Variants in KDM4C observed in about 807,000 individuals in gnomAD.
KDM4C encodes lysine-specific demethylase 4C.
A neutral mutation model predicts 129.3 loss-of-function variants in KDM4C; 81 were observed. The observed-to-expected ratio is 0.63, with a 90% confidence interval of 0.52 to 0.75. The LOEUF (loss-of-function observed/expected upper bound fraction) is 0.75. KDM4C is among the 30% of genes least tolerant of loss of function. The pLI, the probability that KDM4C is intolerant of heterozygous loss-of-function variation, is 0.00. For missense variants in KDM4C, 1,457 were observed against 1,304.0 expected (o/e 1.12, Z -1.81); for synonymous variants, 573 against 456.1 (o/e 1.26, Z -3.26).
intron 1 of KDM4C, among the ~76,000 whole-genome samples, chr9:6,732,538 G>T (rs574866966): frequency 3.4e-4 from 52 of 151,852 alleles, no homozygotes; most frequent in African/African-American, 1.1e-3. Context: ...ATGAGCCACC[G>T]CACCCAGCCA....
chr9:7,170,303 T>C (rs1159396703), intron 21 of KDM4C: 40 of 1,044,734 alleles, frequency 3.8e-5, no homozygotes, highest in Non-Finnish European at 4.6e-5. Context: ...TCTATTCTTT[T>C]ATAGGTTTTT....
chr9:6,776,185 G>C (rs1356131903), intron 1 of KDM4C, among the ~76,000 whole-genome samples: 1 of 152,152 alleles, frequency 6.6e-6, no homozygotes, highest in East Asian at 1.9e-4. Flanking sequence ...CCTGGGCTCT[G>C]GGTATTCTCC....
At chr9:6,823,108 A>G (rs1199886767) in intron 4 of KDM4C, among the ~76,000 whole-genome samples, 2 of 152,232 alleles carry the variant, frequency 1.3e-5, no homozygotes, top group African/African-American at 4.8e-5. Context: ...TACCTTCATA[A>G]TCTATAACCC....
intron 17 of KDM4C, among the ~76,000 whole-genome samples, chr9:7,077,742 G>C (rs922919697): frequency 2.6e-5 from 4 of 152,190 alleles, no homozygotes; most frequent in African/African-American, 4.8e-5. Flanking sequence ...ATGTAAGTCA[G>C]CCCATCAAGG....
At chr9:7,122,421 A>G (rs1180891732) in intron 18 of KDM4C, among the ~76,000 whole-genome samples, 1 of 152,080 alleles carries the variant, frequency 6.6e-6, no homozygotes, top group African/African-American at 2.4e-5. Flanking sequence ...CCAATTCAAC[A>G]TGAGCTTTGG....
intron 1 of KDM4C, among the ~76,000 whole-genome samples, chr9:6,784,570 A>T (rs1324121818): frequency 1.3e-5 from 2 of 152,166 alleles, no homozygotes; most frequent in African/African-American, 2.4e-5. Context: ...AGGAAAAAAA[A>T]ATCCTTTTGG....
intron 17 of KDM4C, among the ~76,000 whole-genome samples, chr9:7,094,715 C>G (rs565962185): frequency 6.6e-6 from 1 of 152,350 alleles, no homozygotes; most frequent in African/African-American, 2.4e-5. Flanking sequence ...CGGGACATGT[C>G]TGCACTGCAT....
At chr9:7,170,217 G>C in intron 21 of KDM4C, 1 of 1,199,314 alleles carries the variant, frequency 8.3e-7, no homozygotes, top group Non-Finnish European at 1.0e-6. Context: ...CAAGGCATTT[G>C]CAATCTTGTT....
At chr9:7,068,048 G>A (rs546991395) in intron 17 of KDM4C, among the ~76,000 whole-genome samples, 7 of 152,146 alleles carry the variant, frequency 4.6e-5, no homozygotes, top group African/African-American at 1.2e-4. Flanking sequence ...CACCCGCCTC[G>A]GCCTCCCAAA....
At chr9:6,997,754 T>G (rs1199628069) in intron 12 of KDM4C, among the ~76,000 whole-genome samples, 1 of 152,252 alleles carries the variant, frequency 6.6e-6, no homozygotes, top group Non-Finnish European at 1.5e-5. Flanking sequence ...ATGATAAGTG[T>G]TCCTAACCTG....
At chr9:7,094,246 T>C (rs1836148216) in intron 17 of KDM4C, among the ~76,000 whole-genome samples, 1 of 152,246 alleles carries the variant, frequency 6.6e-6, no homozygotes, top group East Asian at 1.9e-4. Context: ...CAAAGCCACA[T>C]GGTGGCAGGG....
At chr9:7,079,698 A>C (rs1203056535) in intron 17 of KDM4C, among the ~76,000 whole-genome samples, 6 of 152,198 alleles carry the variant, frequency 3.9e-5, no homozygotes, top group Non-Finnish European at 7.3e-5. Flanking sequence ...TGCATAGTCG[A>C]ATTCTGTGAT....
At chr9:6,993,194 A>G (rs1045221512) in intron 12 of KDM4C, among the ~76,000 whole-genome samples, 5 of 152,220 alleles carry the variant, frequency 3.3e-5, no homozygotes, top group African/African-American at 9.6e-5. Context: ...AGAGGGGGCT[A>G]TGTAATAAAA....
chr9:6,806,648 A>T (rs189523198), intron 3 of KDM4C, among the ~76,000 whole-genome samples: 1 of 152,102 alleles, frequency 6.6e-6, no homozygotes, highest in Admixed American at 6.5e-5. Context: ...TGGCTGGGCT[A>T]CAGTCATCTG....
intron 8 of KDM4C, among the ~76,000 whole-genome samples, chr9:6,979,187 C>T (rs1816323843): frequency 6.6e-6 from 1 of 152,146 alleles, no homozygotes; most frequent in African/African-American, 2.4e-5. Context: ...CATCTTAATC[C>T]AAAATATCTT....
chr9:6,985,847 T>C (rs1817601265), intron 10 of KDM4C, among the ~76,000 whole-genome samples: 1 of 152,170 alleles, frequency 6.6e-6, no homozygotes, highest in Non-Finnish European at 1.5e-5. Flanking sequence ...TGCACCACTA[T>C]GCCTAACTAA....
chr9:6,778,792 C>A (rs1823656966), intron 1 of KDM4C, among the ~76,000 whole-genome samples: 1 of 146,562 alleles, frequency 6.8e-6, no homozygotes, highest in Admixed American at 6.9e-5. Flanking sequence ...TGAGATTCGT[C>A]TATCTAGGTG....
chr9:7,032,263 C>G (rs895258476), intron 15 of KDM4C, among the ~76,000 whole-genome samples: 1 of 152,192 alleles, frequency 6.6e-6, no homozygotes, highest in Non-Finnish European at 1.5e-5. Context: ...CTGAAGGCAA[C>G]TTTCTGTCCT....
At chr9:6,802,416 A>G (rs1195925613) in intron 2 of KDM4C, among the ~76,000 whole-genome samples, 2 of 152,236 alleles carry the variant, frequency 1.3e-5, no homozygotes, top group African/African-American at 4.8e-5. Context: ...CTGTGTATGC[A>G]TGGATGTTTT....
Sources: allele counts gnomAD v4.1 joint callset (sites outside exome capture counted in the v4.1 genomes callset), GRCh38; gene constraint gnomAD v4.1.1; transcripts MANE v1.5; gene names NCBI Gene and HGNC (gene_info 2026-07-23, HGNC 2026-07-21).